The following TRAPPC9 variants were observed in gnomAD, a reference collection of about 807,000 sequenced individuals.
TRAPPC9 encodes the protein trafficking protein particle complex subunit 9.
TRAPPC9 carries 83 observed loss-of-function variants against 124.0 expected under a neutral mutation model. That is an observed-to-expected ratio of 0.67 (90% CI 0.56 to 0.80). The LOEUF (loss-of-function observed/expected upper bound fraction) is 0.80, where lower values mean the gene tolerates loss of function less well. Among genes scored for constraint, TRAPPC9 ranks in the 30% least tolerant of loss-of-function variants. TRAPPC9 has a pLI of 0.00. For synonymous variants in TRAPPC9, 638 were observed against 617.5 expected, an observed-to-expected ratio of 1.03 and a Z score of -0.49; for missense variants, 1,302 against 1,508.3, an observed-to-expected ratio of 0.86 and a Z score of 2.27.
rs927600060 is a variant in TRAPPC9 at position 140,037,973 on chromosome 8, T to A, written c.2557-13894A>T. On this transcript the variant is annotated intron_variant, in intron 17 of 22. Transcript: ENST00000438773. ...GCTGAAAGCTGTATTGTTTCACACCTGTGTGCCTGAAATGAATGTCCTTAC... is the reference window on the plus strand; with the variant it reads ...GCTGAAAGCTGTATTGTTTCACACCAGTGTGCCTGAAATGAATGTCCTTAC... Among the ~76,000 whole-genome samples the A allele has an allele frequency of 2.1e-4, 12 of 57,600 alleles. No individual in the cohort carries two copies. In the Middle Eastern group the frequency reaches 0.045, roughly 218 times the overall value. The allele number at this position is 57,600 out of a possible 152,430, so 37.8% of individuals were successfully genotyped here. A position where few individuals can be genotyped will look rare whatever the true frequency, so the allele number is the denominator to read the frequency against.
intron 14 of TRAPPC9, among the ~76,000 whole-genome samples, chr8:140,279,071 A>G (rs1227055741): frequency 6.6e-6 from 1 of 152,142 alleles, no homozygotes; most frequent in African/African-American, 2.4e-5. Flanking sequence ...ATTTTCTTCC[A>G]TGCTTGATTA....
rs1369499216 is a variant in TRAPPC9 at position 140,442,581 on chromosome 8, G to C, written c.585-3384C>G. On this transcript the variant is annotated intron_variant, in intron 2 of 22. Coordinates refer to ENST00000438773, the MANE Select transcript of TRAPPC9 (RefSeq NM_001160372.4). ...CCACTGCACTCCAACCTGGTCGACA[G>C]AGCGAGCCTCTGTCAAAAAAAAAAA... 2.1e-5 allele frequency among the ~76,000 whole-genome samples: 3 copies of C among 143,540 alleles called. No individual in the cohort carries two copies. In the Admixed American group the frequency reaches 2.1e-4, roughly 10 times the overall value. 94.2% of individuals were successfully genotyped at this position (143,540 alleles called of 152,430 possible). A position where few individuals can be genotyped will look rare whatever the true frequency, so the allele number is the denominator to read the frequency against.
chr8:140,399,412 T>C (rs2069191140), intron 6 of TRAPPC9, among the ~76,000 whole-genome samples: 1 of 152,224 alleles, frequency 6.6e-6, no homozygotes. Flanking sequence ...GGACAGGGGC[T>C]GTACCCTGCA....
At chr8:140,372,523 G>A (rs942164835) in intron 7 of TRAPPC9, among the ~76,000 whole-genome samples, 7 of 152,204 alleles carry the variant, frequency 4.6e-5, no homozygotes, top group African/African-American at 1.7e-4. Flanking sequence ...CCTGAGACAT[G>A]GCTCAGAGCC....
At chr8:139,760,053 C>T (rs1176423233) in intron 21 of TRAPPC9, among the ~76,000 whole-genome samples, 1 of 152,244 alleles carries the variant, frequency 6.6e-6, no homozygotes, top group Non-Finnish European at 1.5e-5. Flanking sequence ...ATGAAGCATG[C>T]ACATGCATGT....
chr8:140,419,263 C>T (rs1046881982), intron 5 of TRAPPC9, among the ~76,000 whole-genome samples: 4 of 151,590 alleles, frequency 2.6e-5, no homozygotes, highest in African/African-American at 9.7e-5. Flanking sequence ...CCCGTCTCTA[C>T]TGAAAATACA....
chr8:139,855,665 C>G (rs1293658670), intron 21 of TRAPPC9, among the ~76,000 whole-genome samples: 1 of 152,220 alleles, frequency 6.6e-6, no homozygotes, highest in Non-Finnish European at 1.5e-5. Context: ...TGGCGCCTCT[C>G]TCTGGGAACC....
At chr8:140,184,233 G>A (rs1219874906) in intron 17 of TRAPPC9, among the ~76,000 whole-genome samples, 4 of 152,124 alleles carry the variant, frequency 2.6e-5, no homozygotes, top group Admixed American at 1.3e-4. Flanking sequence ...CTAATTTACC[G>A]AAGATATGGC....
intron 7 of TRAPPC9, among the ~76,000 whole-genome samples, chr8:140,394,039 A>C (rs1433859833): frequency 6.6e-6 from 1 of 152,232 alleles, no homozygotes; most frequent in Non-Finnish European, 1.5e-5. Flanking sequence ...GAAAGAGCAA[A>C]CAGCAAAAGG....
intron 21 of TRAPPC9, among the ~76,000 whole-genome samples, chr8:139,837,975 G>A (rs1286619580): frequency 2.0e-5 from 3 of 152,130 alleles, no homozygotes; most frequent in African/African-American, 7.2e-5. Context: ...CAGGCTGCAG[G>A]CTCCTTCCAC....
intron 11 of TRAPPC9, among the ~76,000 whole-genome samples, chr8:140,300,235 A>G (rs1287703784): frequency 1.3e-5 from 2 of 150,206 alleles, no homozygotes; most frequent in African/African-American, 2.5e-5. Flanking sequence ...ACACATATGC[A>G]TGCACGCACG....
chr8:139,871,610 C>A (rs10093882), intron 21 of TRAPPC9, among the ~76,000 whole-genome samples: 1 of 152,090 alleles, frequency 6.6e-6, no homozygotes, highest in Non-Finnish European at 1.5e-5. Context: ...CAGGAATAGA[C>A]GACTGCAGAA....
chr8:139,850,173 G>A (rs1827354538), intron 21 of TRAPPC9, among the ~76,000 whole-genome samples: 1 of 152,162 alleles, frequency 6.6e-6, no homozygotes, highest in African/African-American at 2.4e-5. Context: ...ATGACAAATG[G>A]GTATGAGGGA....
intron 7 of TRAPPC9, among the ~76,000 whole-genome samples, chr8:140,395,442 A>G (rs2069061894): frequency 6.6e-6 from 1 of 152,174 alleles, no homozygotes; most frequent in African/African-American, 2.4e-5. Context: ...AGGGAAGTGA[A>G]GCTGGAATGC....
intron 17 of TRAPPC9, among the ~76,000 whole-genome samples, chr8:140,066,410 C>A (rs952155035): frequency 8.5e-5 from 13 of 152,110 alleles, no homozygotes; most frequent in African/African-American, 3.1e-4. Flanking sequence ...TTAAGAATGG[C>A]GATTGTGCTG....
Position 139,919,832 on chromosome 8 carries a change from C to T in TRAPPC9, c.2811-9532G>A, listed in dbSNP as rs149964140. 2.3e-3 allele frequency among the ~76,000 whole-genome samples: 347 copies of T among 152,270 alleles called. 3 individuals are homozygous for T. Among genetic ancestry groups the T allele is most frequent in the African/African-American group, 7.2e-3 (298 of 41,548 alleles). On this transcript the variant is annotated intron_variant, in intron 19 of 22. Transcript: ENST00000438773. Reference sequence around the variant, plus strand: ...GCACAGGAAGGCAGTGGCTTGAGGGCCCAAGGCAGCACGGTCTCCATGCTC... The same window carrying T: ...GCACAGGAAGGCAGTGGCTTGAGGGTCCAAGGCAGCACGGTCTCCATGCTC...
At chr8:140,140,194 T>C (rs2061363101) in intron 17 of TRAPPC9, among the ~76,000 whole-genome samples, 2 of 152,194 alleles carry the variant, frequency 1.3e-5, no homozygotes, top group Non-Finnish European at 2.9e-5. Flanking sequence ...GAACCACTCA[T>C]TGAATCAGGA....
chr8:139,993,520 C>A (rs1203131621), intron 18 of TRAPPC9, among the ~76,000 whole-genome samples: 1 of 152,220 alleles, frequency 6.6e-6, no homozygotes, highest in African/African-American at 2.4e-5. Context: ...TTTGACCGAA[C>A]AATTCCATTT....
At chr8:139,932,903 G>C (rs1220016659) in intron 19 of TRAPPC9, 1 of 146,942 alleles carries the variant, frequency 6.8e-6, no homozygotes, top group African/African-American at 3.7e-5. Flanking sequence ...AGCATAAGCT[G>C]GTAAAAAAAA....
Sources: allele counts gnomAD v4.1 joint callset (sites outside exome capture counted in the v4.1 genomes callset), GRCh38; gene constraint gnomAD v4.1.1; transcripts MANE v1.5; gene names NCBI Gene and HGNC (gene_info 2026-07-23, HGNC 2026-07-21).